The following TOX variants were observed in gnomAD, a reference collection of about 807,000 sequenced individuals.
TOX encodes thymocyte selection-associated high mobility group box protein TOX.
Under a neutral mutation model 53.7 loss-of-function variants are expected in TOX, and 11 were observed. The observed-to-expected ratio is 0.20, with a 90% confidence interval of 0.13 to 0.34. The LOEUF (loss-of-function observed/expected upper bound fraction) is 0.34. Ranked by LOEUF, TOX falls within the 10% of genes least tolerant of loss-of-function variation. TOX has a pLI of 1.00. For missense variants in TOX, 570 were observed against 664.6 expected (o/e 0.86, Z 1.56); for synonymous variants, 225 against 245.3 (o/e 0.92, Z 0.77).
intron 1 of TOX, among the ~76,000 whole-genome samples, chr8:58,988,338 A>G (rs751438120): frequency 1.4e-4 from 22 of 152,240 alleles, no homozygotes; most frequent in Non-Finnish European, 2.8e-4. Context: ...TTTTATAAAC[A>G]TAGTTTTGGG....
intron 1 of TOX, among the ~76,000 whole-genome samples, chr8:59,008,286 A>C (rs1384440449): frequency 1.3e-5 from 2 of 152,252 alleles, no homozygotes; most frequent in African/African-American, 4.8e-5. Context: ...AGTAGAATAA[A>C]ATATCTTGAA....
At chr8:59,032,998 C>A (rs1244828529) in intron 1 of TOX, among the ~76,000 whole-genome samples, 2 of 147,990 alleles carry the variant, frequency 1.4e-5, no homozygotes, top group Non-Finnish European at 3.0e-5. Flanking sequence ...TGTGCCATTG[C>A]ACTCCATCCT....
intron 1 of TOX, among the ~76,000 whole-genome samples, chr8:59,058,407 G>C (rs148967929): frequency 1.3e-5 from 2 of 152,332 alleles, no homozygotes; most frequent in African/African-American, 4.8e-5. Flanking sequence ...GGTCCAGAAG[G>C]AGCAAGTGGG....
At chr8:58,877,593 T>C (rs1402753014) in intron 3 of TOX, among the ~76,000 whole-genome samples, 2 of 152,152 alleles carry the variant, frequency 1.3e-5, no homozygotes, top group African/African-American at 4.8e-5. Context: ...CTGCACATAA[T>C]CCAATAAAGC....
intron 3 of TOX, among the ~76,000 whole-genome samples, chr8:58,876,566 T>C (rs1460278226): frequency 6.6e-6 from 1 of 152,192 alleles, no homozygotes; most frequent in African/African-American, 2.4e-5. Flanking sequence ...AGAAAGTTTA[T>C]GTGATCAGTT....
At chr8:59,033,592 G>GA (rs1470128941) in intron 1 of TOX, among the ~76,000 whole-genome samples, 2 of 152,160 alleles carry the variant, frequency 1.3e-5, no homozygotes, top group African/African-American at 4.8e-5. Context: ...ACTATTACAA[G>GA]AAAGGAGGGA....
intron 5 of TOX, among the ~76,000 whole-genome samples, chr8:58,830,453 A>G (rs112326925): frequency 2.0e-5 from 3 of 152,322 alleles, no homozygotes; most frequent in African/African-American, 7.2e-5. Flanking sequence ...GAAATGCTCT[A>G]AATACCAGCA....
intron 1 of TOX, among the ~76,000 whole-genome samples, chr8:59,051,956 G>T (rs922634730): frequency 6.6e-6 from 1 of 152,092 alleles, no homozygotes; most frequent in Non-Finnish European, 1.5e-5. Flanking sequence ...ATATGTGTTT[G>T]CCCGAAGTTT....
At chr8:58,975,500 A>G (rs1054360333) in intron 1 of TOX, among the ~76,000 whole-genome samples, 4 of 152,208 alleles carry the variant, frequency 2.6e-5, no homozygotes, top group Non-Finnish European at 5.9e-5. Context: ...AGCAAATATC[A>G]AAGTAAAGCA....
chr8:58,861,038 T>A (rs1424369986), intron 3 of TOX, among the ~76,000 whole-genome samples: 1 of 152,216 alleles, frequency 6.6e-6, no homozygotes, highest in Non-Finnish European at 1.5e-5. Flanking sequence ...CAATGCCATT[T>A]GTTTCCTGCT....
At chr8:58,868,500 T>C (rs1448864093) in intron 3 of TOX, among the ~76,000 whole-genome samples, 2 of 152,112 alleles carry the variant, frequency 1.3e-5, no homozygotes, top group Non-Finnish European at 2.9e-5. Context: ...ATGGCAGAGT[T>C]TATCAGCAAA....
chr8:58,899,778 A>C (rs10108037), intron 3 of TOX, among the ~76,000 whole-genome samples: 83,827 of 151,902 alleles, frequency 0.55, 23,621 homozygotes, highest in African/African-American at 0.66. Flanking sequence ...GATATTCAAC[A>C]TGAACCACTA....
intron 3 of TOX, among the ~76,000 whole-genome samples, chr8:58,876,976 G>T (rs1450388055): frequency 6.6e-6 from 1 of 152,182 alleles, no homozygotes; most frequent in African/African-American, 2.4e-5. Context: ...GAAGAGGCAC[G>T]TTAATAATTT....
chr8:58,984,707 CG>C (rs1255885918), intron 1 of TOX, among the ~76,000 whole-genome samples: 1 of 145,918 alleles, frequency 6.9e-6, no homozygotes, highest in Non-Finnish European at 1.5e-5. Flanking sequence ...GGCGTGAACC[CG>C]GGAGGCGGAG....
intron 1 of TOX, among the ~76,000 whole-genome samples, chr8:59,079,913 G>C (rs1315082476): frequency 6.6e-6 from 1 of 152,192 alleles, no homozygotes; most frequent in Non-Finnish European, 1.5e-5. Flanking sequence ...AGCTGCCCAA[G>C]GCCTTGGAAC....
At chr8:58,991,823 T>C (rs1362814170) in intron 1 of TOX, 1 of 152,412 alleles carries the variant, frequency 6.6e-6, no homozygotes, top group Non-Finnish European at 1.5e-5. Context: ...CAAACACTTG[T>C]GGAGACAGCG....
At chr8:58,857,237 G>C (rs1254169070) in intron 3 of TOX, among the ~76,000 whole-genome samples, 1 of 152,018 alleles carries the variant, frequency 6.6e-6, no homozygotes, top group Non-Finnish European at 1.5e-5. Context: ...AAATTCTAGG[G>C]CTCAAATGTC....
At chr8:58,810,544 A>C (rs1312003677) in intron 7 of TOX, among the ~76,000 whole-genome samples, 4 of 151,962 alleles carry the variant, frequency 2.6e-5, no homozygotes, top group Non-Finnish European at 5.9e-5. Context: ...GTAGAGACAT[A>C]GTTTCGCCAT....
rs1446946121 is a variant in TOX at position 58,851,181 on chromosome 8, TCTCTCACA to T, written c.693+335_693+342del. 5.5e-3 allele frequency among the ~76,000 whole-genome samples: 792 copies of T among 144,314 alleles called. 4 individuals carry two copies. Among genetic ancestry groups the T allele is most frequent in the African/African-American group, 0.02 (743 of 36,788 alleles). 94.7% of individuals were successfully genotyped at this position (144,314 alleles called of 152,430 possible). On this transcript the variant is annotated intron_variant, in intron 4 of 8. Coordinates refer to ENST00000361421, the MANE Select transcript of TOX (RefSeq NM_014729.3). This position sits in a 1 kb window ranked among gnomAD's most constrained non-coding sequence, Gnocchi z 4.4. ...CTGTCTCTCTCTCTCTCTCTCTCTC[TCTCTCACA>T]CACACACACACACACACACACACGA...
Sources: gnomAD v4.1 joint callset for allele counts (sites outside exome capture counted in the v4.1 genomes callset) on GRCh38, gnomAD v4.1.1 for gene constraint, Gnocchi (gnomAD v3.1) non-coding constraint, MANE v1.5 for transcripts, NCBI Gene and HGNC (gene_info 2026-07-23, HGNC 2026-07-21) for gene names.